The following MAST4 variants were observed in gnomAD, a reference collection of about 807,000 sequenced individuals.
MAST4 encodes the protein microtubule associated serine/threonine kinase family member 4.
In MAST4, 89 loss-of-function variants were observed where a neutral mutation model predicts 162.7. The observed-to-expected ratio is 0.55, with a 90% CI of 0.46 to 0.65. MAST4 has a LOEUF of 0.65. MAST4 is among the 30% of genes least tolerant of loss of function. The pLI is 0.00. For missense variants in MAST4, 3,153 were observed against 3,374.0 expected (o/e 0.93, Z 1.62); for synonymous variants, 1,479 against 1,361.1 (o/e 1.09, Z -1.91).
intron 5 of MAST4, among the ~76,000 whole-genome samples, chr5:67,061,125 T>C (rs916872999): frequency 6.6e-6 from 1 of 151,716 alleles, no homozygotes; most frequent in Non-Finnish European, 1.5e-5. Context: ...TACCAGTTTA[T>C]TGTATTCTTC....
At chr5:66,609,170 C>T (rs10471688) in intron 1 of MAST4, among the ~76,000 whole-genome samples, 150,277 of 151,766 alleles carry the variant, frequency 0.99, 74,406 homozygotes, top group East Asian at 1. Context: ...TTCCTTTGGC[C>T]ACGTGTCACA....
At chr5:66,995,892 C>CACACACACACACAA (rs1209619961) in intron 4 of MAST4, among the ~76,000 whole-genome samples, 2 of 149,372 alleles carry the variant, frequency 1.3e-5, no homozygotes, top group African/African-American at 4.9e-5. Context: ...CTCACATACA[C>CACACACACACACAA]ACACACACAC....
chr5:66,767,933 T>G (rs1262421777), intron 2 of MAST4, among the ~76,000 whole-genome samples: 1 of 152,176 alleles, frequency 6.6e-6, no homozygotes, highest in African/African-American at 2.4e-5. Flanking sequence ...GACTCAAATG[T>G]TAATCTCCTT....
At chr5:67,096,795 A>G (rs1764513743) in intron 7 of MAST4, among the ~76,000 whole-genome samples, 1 of 152,098 alleles carries the variant, frequency 6.6e-6, no homozygotes. Flanking sequence ...TTTTCTATCC[A>G]TTATTCCATT....
intron 4 of MAST4, among the ~76,000 whole-genome samples, chr5:66,975,256 A>G (rs1747987171): frequency 6.6e-6 from 1 of 152,168 alleles, no homozygotes; most frequent in African/African-American, 2.4e-5. Context: ...GGGAGAATAT[A>G]TCTCTATTGT....
intron 5 of MAST4, among the ~76,000 whole-genome samples, chr5:67,078,894 T>TTTATATAAA (rs1561621717): frequency 7.7e-5 from 5 of 65,022 alleles, no homozygotes; most frequent in African/African-American, 2.6e-4. Flanking sequence ...ATTTATATAT[T>TTTATATAAA]TATATATTTT....
chr5:66,682,419 T>C (rs1233113505), intron 1 of MAST4, among the ~76,000 whole-genome samples: 2 of 152,234 alleles, frequency 1.3e-5, no homozygotes. Flanking sequence ...TCAGTGCTGC[T>C]AACAGTGAAT....
intron 1 of MAST4, among the ~76,000 whole-genome samples, chr5:66,714,400 C>G (rs148562047): frequency 5.3e-5 from 8 of 152,282 alleles, no homozygotes; most frequent in Admixed American, 1.3e-4. Context: ...GGCTCTCTGA[C>G]TTTAAAAATC....
intron 1 of MAST4, among the ~76,000 whole-genome samples, chr5:66,709,611 G>T (rs181937595): frequency 6.6e-6 from 1 of 152,208 alleles, no homozygotes; most frequent in Non-Finnish European, 1.5e-5. Context: ...GCCACCATAT[G>T]CAGCCCCCAA....
chr5:66,914,927 T>C (rs1244853518), intron 4 of MAST4, among the ~76,000 whole-genome samples: 1 of 152,028 alleles, frequency 6.6e-6, no homozygotes. Context: ...ATATCAGTAG[T>C]GCTGAGGATG....
intron 3 of MAST4, among the ~76,000 whole-genome samples, chr5:66,850,880 C>T (rs1296504725): frequency 1.3e-5 from 2 of 150,414 alleles, no homozygotes; most frequent in Non-Finnish European, 3.0e-5. Flanking sequence ...TCTTCTGATT[C>T]AACTTAAATT....
intron 1 of MAST4, among the ~76,000 whole-genome samples, chr5:66,656,196 C>T (rs994539114): frequency 1.3e-5 from 2 of 152,174 alleles, no homozygotes. Context: ...CTGCTCTGTA[C>T]TTGTCTTAAT....
chr5:66,841,845 C>G (rs1157242922), intron 3 of MAST4, among the ~76,000 whole-genome samples: 1 of 152,102 alleles, frequency 6.6e-6, no homozygotes, highest in East Asian at 1.9e-4. Context: ...TCATATATTC[C>G]TGCATTCTCT....
At chr5:66,922,308 A>T (rs552920989) in intron 4 of MAST4, among the ~76,000 whole-genome samples, 28 of 152,316 alleles carry the variant, frequency 1.8e-4, no homozygotes, top group African/African-American at 6.7e-4. Flanking sequence ...GGATGAAGCC[A>T]TTGGGTCAGG....
At chr5:66,839,635 A>G (rs1327013480) in intron 3 of MAST4, among the ~76,000 whole-genome samples, 1 of 152,178 alleles carries the variant, frequency 6.6e-6, no homozygotes, top group Non-Finnish European at 1.5e-5. Flanking sequence ...CTTGCCTACA[A>G]GTCTCATTCC....
intron 1 of MAST4, among the ~76,000 whole-genome samples, chr5:66,650,673 A>C (rs1202576773): frequency 6.6e-6 from 1 of 152,114 alleles, no homozygotes; most frequent in African/African-American, 2.4e-5. Context: ...AGCTGGTGCA[A>C]ACTGGCTCCA....
Position 67,162,744 on chromosome 5 carries a change from G to A in MAST4, c.3923G>A (p.Arg1308Gln), listed in dbSNP as rs767727699. The A allele has an allele frequency of 2.2e-5, 35 of 1,613,536 alleles. No individual in the cohort carries two copies. The highest frequency in any genetic ancestry group is 3.3e-5 in the Admixed American group (2 of 59,920). Residue 1308 changes from arginine (R) to glutamine (Q), a missense_variant, in exon 28 of 29, where the codon CGG becomes CAG. Physicochemically the swap from Arg to Gln is conservative, Grantham distance 43. This residue lies in a region of MAST4 where 619 missense variants were observed against 744.2 expected (regional missense o/e 0.83). Coordinates refer to ENST00000403625, the MANE Select transcript of MAST4 (RefSeq NM_001164664.2). ...TCCCCCACTCATAGCTTGTCTCCCC[G>A]GTCTCCAACACCAAGCTACCGCTCC... ...PGSPTHSLSP[R>Q]SPTPSYRSTP... is the part of the protein sequence containing the mutation.
chr5:67,096,866 C>T (rs1372287075), intron 7 of MAST4, among the ~76,000 whole-genome samples: 1 of 152,012 alleles, frequency 6.6e-6, no homozygotes, highest in East Asian at 1.9e-4. Context: ...ATCCTAACAA[C>T]CTTAAGTAGT....
intron 1 of MAST4, among the ~76,000 whole-genome samples, chr5:66,651,581 A>T (rs920640668): frequency 2.0e-5 from 3 of 152,066 alleles, no homozygotes; most frequent in African/African-American, 7.2e-5. Context: ...ATGACAATGG[A>T]TAAAAGATAG....
Sources: allele counts gnomAD v4.1 joint callset (sites outside exome capture counted in the v4.1 genomes callset), GRCh38; gene constraint gnomAD v4.1.1; regional missense constraint gnomAD v4.1.1; transcripts MANE v1.5; gene names NCBI Gene and HGNC (gene_info 2026-07-23, HGNC 2026-07-21).